The following MAP3K21 variants were observed in gnomAD, a reference collection of about 807,000 sequenced individuals.
MAP3K21 encodes mitogen-activated protein kinase kinase kinase MLK4.
Under a neutral mutation model 86.1 loss-of-function variants are expected in MAP3K21, and 63 were observed. The observed-to-expected ratio is 0.73, with a 90% CI of 0.60 to 0.90. MAP3K21 has a LOEUF of 0.90. Among genes scored for constraint, MAP3K21 ranks in the 40% least tolerant of loss-of-function variants. MAP3K21 has a pLI of 0.00. For missense variants in MAP3K21, 1,220 were observed against 1,367.7 expected (o/e 0.89, Z 1.70); for synonymous variants, 558 against 564.8 (o/e 0.99, Z 0.17).
intron 1 of MAP3K21, among the ~76,000 whole-genome samples, chr1:233,332,665 G>A (rs1262152872): frequency 1.3e-5 from 2 of 152,112 alleles, no homozygotes; most frequent in African/African-American, 2.4e-5. Context: ...GGTTACCAGG[G>A]GGCAGTGAAG....
chr1:233,349,154 T>G (rs1033856045), intron 2 of MAP3K21, among the ~76,000 whole-genome samples: 1 of 152,224 alleles, frequency 6.6e-6, no homozygotes, highest in African/African-American at 2.4e-5. Flanking sequence ...GACTGTCTAC[T>G]GGTGAAGGCT....
At chr1:233,355,881 T>G (rs558170548) in intron 4 of MAP3K21, among the ~76,000 whole-genome samples, 2 of 152,326 alleles carry the variant, frequency 1.3e-5, no homozygotes, top group African/African-American at 4.8e-5. Flanking sequence ...TTCCCTCATC[T>G]GTCCCCTTCT....
At chr1:233,370,728 A>C (rs1355554688) in intron 5 of MAP3K21, among the ~76,000 whole-genome samples, 3 of 152,214 alleles carry the variant, frequency 2.0e-5, no homozygotes, top group Non-Finnish European at 2.9e-5. Flanking sequence ...GAATTTGAGG[A>C]GTGAGATATT....
chr1:233,358,626 G>A (rs1663410541), intron 4 of MAP3K21, among the ~76,000 whole-genome samples: 1 of 152,048 alleles, frequency 6.6e-6, no homozygotes, highest in Non-Finnish European at 1.5e-5. Flanking sequence ...TGGAAATGAT[G>A]TTACTCACAA....
In MAP3K21 at chr1:233,379,385, G is replaced by A. The variant is rs556717528; in HGVS notation, c.2379G>A (p.Leu793=). ...TCGEASSPPS[L]PLSSALGILS... is the part of the protein sequence containing the mutation. ...GGGAGGCCAGCAGCCCACCCTCCCT[G>A]CCACTGTCAAGTGCCCTGGGCATCC... is the stretch of plus-strand genomic sequence containing the variant. Residue 793 remains leucine (L), a synonymous_variant, in exon 9 of 10, where the codon CTG becomes CTA. Coordinates refer to ENST00000366624, the MANE Select transcript of MAP3K21 (RefSeq NM_032435.3). The A allele has an allele frequency of 1.9e-6, 3 of 1,614,198 alleles. No individual in the cohort carries two copies. In the African/African-American group the frequency reaches 4.0e-5, roughly 22 times the overall value.
intron 6 of MAP3K21, among the ~76,000 whole-genome samples, chr1:233,374,305 G>A (rs10910139): frequency 0.19 from 29,375 of 151,432 alleles, 2,983 homozygotes; most frequent in East Asian, 0.3. Context: ...CCTCCCGAGT[G>A]GCTGGGATTA....
chr1:233,376,003 A>T lies in MAP3K21; in HGVS notation c.1763A>T (p.Lys588Ile), dbSNP rs759249543. 1 of 1,609,230 alleles carries T rather than the reference A, an allele frequency of 6.2e-7. No homozygotes were observed. Among genetic ancestry groups the T allele is most frequent in the East Asian group, 2.2e-5 (1 of 44,752 alleles). ...GAGGATGTAAAAAGGAATTTTAAGA[A>T]AAAAGGTTGTACCTGGGGACCAAAT... The part of the protein sequence containing the change: ...EFEDVKRNFK[K>I]KGCTWGPNSI... Residue 588 changes from lysine to isoleucine, a missense_variant, in exon 7 of 10, where the codon AAA becomes ATA. By Grantham distance (102) the Lys-to-Ile change is moderately radical (BLOSUM62 -3). Coordinates refer to ENST00000366624, the MANE Select transcript of MAP3K21 (RefSeq NM_032435.3).
intron 1 of MAP3K21, among the ~76,000 whole-genome samples, chr1:233,340,103 C>T (rs1056463265): frequency 2.0e-5 from 3 of 152,240 alleles, no homozygotes; most frequent in South Asian, 2.1e-4. Context: ...TTAAGTGTAA[C>T]GGGCAAGGTA....
At chr1:233,348,843 A>G (rs1663196788) in intron 2 of MAP3K21, among the ~76,000 whole-genome samples, 1 of 152,184 alleles carries the variant, frequency 6.6e-6, no homozygotes, top group Admixed American at 6.5e-5. Context: ...ACCTTTTAAG[A>G]ACCCAGGTCT....
chr1:233,347,203 C>T lies in MAP3K21; in HGVS notation c.986+581C>T, dbSNP rs139461152. ...AGCCACTGCACCCAGCCTGAATTGA[C>T]ATTTTTAACAAACTTTTGATTCCTT... On this transcript the variant is annotated intron_variant, in intron 2 of 9. Coordinates refer to ENST00000366624, the MANE Select transcript of MAP3K21 (RefSeq NM_032435.3). Among the ~76,000 whole-genome samples the T allele has an allele frequency of 5.7e-3, 865 of 152,252 alleles. 6 individuals carry two copies. Among genetic ancestry groups the T allele is most frequent in the Admixed American group, 0.017 (266 of 15,290 alleles).
At chr1:233,334,992 TAGG>T in intron 1 of MAP3K21, among the ~76,000 whole-genome samples, 1 of 151,828 alleles carries the variant, frequency 6.6e-6, no homozygotes. Flanking sequence ...CTTTAAGTTC[TAGG>T]GTACATGTGC....
At chr1:233,360,401 C>T (rs1206569468) in intron 4 of MAP3K21, among the ~76,000 whole-genome samples, 3 of 151,892 alleles carry the variant, frequency 2.0e-5, no homozygotes, top group African/African-American at 7.3e-5. Flanking sequence ...AAATAAAAAC[C>T]AACTGATAGG....
chr1:233,369,009 G>A (rs1008598041), intron 5 of MAP3K21, among the ~76,000 whole-genome samples: 6 of 152,106 alleles, frequency 3.9e-5, no homozygotes, highest in Admixed American at 3.3e-4. Flanking sequence ...TGCCCATAGA[G>A]CACTTACCTT....
chr1:233,331,812 T>C (rs1248043555), intron 1 of MAP3K21, among the ~76,000 whole-genome samples: 1 of 152,238 alleles, frequency 6.6e-6, no homozygotes, highest in Admixed American at 6.5e-5. Flanking sequence ...GGAATGTCTG[T>C]GTCTAGATAA....
chr1:233,328,287 C>A lies in MAP3K21; in HGVS notation c.259C>A (p.Arg87=). The A allele has an allele frequency of 6.7e-7, 1 of 1,487,860 alleles. No homozygotes were observed. Among genetic ancestry groups the A allele is most frequent in the African/African-American group, 1.5e-5 (1 of 68,582 alleles). 92.2% of individuals were successfully genotyped at this position (1,487,860 alleles called of 1,614,324 possible). ...GGGCTGGTGGGCAGGCCAGGTGCAG[C>A]GGCGCCTCGGCATCTTCCCCGCCAA... ...DEGWWAGQVQ[R]RLGIFPANYV... is the part of the protein sequence containing the mutation. The change falls in exon 1 of 10, where the codon CGG becomes AGG. Residue 87 remains arginine (R), a synonymous_variant. Coordinates refer to ENST00000366624, the MANE Select transcript of MAP3K21 (RefSeq NM_032435.3). This position sits in a 1 kb window ranked among gnomAD's most constrained non-coding sequence, Gnocchi z 8.7.
intron 7 of MAP3K21, 142 bp from the exon 8 acceptor site, chr1:233,376,288 T>A (rs1663794623): frequency 1.4e-6 from 1 of 733,468 alleles, no homozygotes; most frequent in Non-Finnish European, 2.3e-6. Flanking sequence ...CAGGTATTAT[T>A]TGTACTTTGT....
intron 1 of MAP3K21, among the ~76,000 whole-genome samples, chr1:233,335,606 A>G (rs531006782): frequency 6.6e-6 from 1 of 152,192 alleles, no homozygotes; most frequent in Non-Finnish European, 1.5e-5. Flanking sequence ...GAGTGCTAAG[A>G]ATTAAATCTG....
intron 8 of MAP3K21, among the ~76,000 whole-genome samples, chr1:233,377,031 G>T (rs1663811680): frequency 2.0e-5 from 3 of 152,056 alleles, no homozygotes; most frequent in Admixed American, 2.0e-4. Flanking sequence ...GGAGCCAGAG[G>T]TGGCAGTGAG....
intron 5 of MAP3K21, among the ~76,000 whole-genome samples, chr1:233,370,681 T>G (rs1248207337): frequency 2.6e-5 from 4 of 152,174 alleles, no homozygotes; most frequent in Admixed American, 1.3e-4. Context: ...TTAAACTCAT[T>G]AATCGTTGAG....
Sources: gnomAD v4.1 joint callset for allele counts (sites outside exome capture counted in the v4.1 genomes callset) on GRCh38, gnomAD v4.1.1 for gene constraint, Gnocchi (gnomAD v3.1) non-coding constraint, MANE v1.5 for transcripts, NCBI Gene and HGNC (gene_info 2026-07-23, HGNC 2026-07-21) for gene names.